FSD1L: variants seen among roughly 807,000 people sequenced by gnomAD.
FSD1L encodes the protein fibronectin type III and SPRY domain containing 1 like.
FSD1L carries 45 observed loss-of-function variants against 71.6 expected under a neutral mutation model. The observed-to-expected ratio is 0.63, with a 90% CI of 0.49 to 0.81. The LOEUF is 0.81. Ranked by LOEUF, FSD1L falls within the 30% of genes least tolerant of loss-of-function variation. The pLI is 0.00. For missense variants in FSD1L, 561 were observed against 618.1 expected (o/e 0.91, Z 0.98); for synonymous variants, 197 against 207.2 (o/e 0.95, Z 0.42).
At chr9:105,523,449 C>T (rs1456829466) in intron 10 of FSD1L, 25 of 1,609,260 alleles carry the variant, frequency 1.6e-5, no homozygotes, top group Middle Eastern at 1.7e-4. Context: ...TGTAATGTGG[C>T]GAAGAATGCT....
At position 105,471,887 on chromosome 9, in the gene FSD1L, T is replaced by C. The variant is rs1195186910; in HGVS notation, c.340-17T>C. On this transcript the variant is annotated splice_polypyrimidine_tract_variant and intron_variant, in intron 4 of 13. Transcript: ENST00000481272. ...AACTTCATTTTAATGACTTAGTTTT[T>C]TTTTTTTTTTCCCTAGAGTCAGATT... 14 of 1,047,592 alleles carry C rather than the reference T, an allele frequency of 1.3e-5. No homozygotes were observed. Among genetic ancestry groups the C allele is most frequent in the Non-Finnish European group, 1.8e-5 (14 of 765,428 alleles). 64.9% of individuals were successfully genotyped at this position (1,047,592 alleles called of 1,614,324 possible).
chr9:105,513,334 T>A (rs1834507417), intron 10 of FSD1L, among the ~76,000 whole-genome samples: 1 of 152,178 alleles, frequency 6.6e-6, no homozygotes. Flanking sequence ...TTGCCTCTGA[T>A]CAGCAACACA....
chr9:105,520,206 C>T (rs775246997), intron 10 of FSD1L: 40 of 1,611,224 alleles, frequency 2.5e-5, no homozygotes, highest in Non-Finnish European at 3.1e-5. Flanking sequence ...CGCACTGACT[C>T]GCCTCAAGCA....
chr9:105,521,494 T>C (rs927496546), intron 10 of FSD1L: 207 of 1,613,836 alleles, frequency 1.3e-4, no homozygotes, highest in Non-Finnish European at 1.7e-5. Flanking sequence ...GTGACAGAGA[T>C]ATTTCGTCAG....
chr9:105,448,334 G>A (rs1829755187), intron 1 of FSD1L, 99 bp downstream of exon 1: 2 of 1,137,952 alleles, frequency 1.8e-6, no homozygotes, highest in Non-Finnish European at 2.3e-6. Flanking sequence ...CGCGGGGTGG[G>A]CCTGGCCGGG....
chr9:105,507,904 T>A (rs1482213020), intron 8 of FSD1L, among the ~76,000 whole-genome samples: 1 of 150,894 alleles, frequency 6.6e-6, no homozygotes, highest in East Asian at 1.9e-4. Flanking sequence ...TTTTTTTTTT[T>A]TTTTGAGACA....
chr9:105,535,294 G>C lies in FSD1L; in HGVS notation c.1354G>C (p.Gly452Arg), dbSNP rs1380200263. The C allele has an allele frequency of 6.4e-7, 1 of 1,551,406 alleles. No homozygotes were observed. Among genetic ancestry groups the C allele is most frequent in the African/African-American group, 1.4e-5 (1 of 73,154 alleles). Residue 452 changes from glycine (G) to arginine (R), a missense_variant, in exon 12 of 14, where the codon GGT (glycine) becomes CGT (arginine). Gly to Arg is a moderately radical substitution (Grantham distance 125, BLOSUM62 -2). This residue lies in a region of FSD1L where 98 missense variants were observed against 102.3 expected (regional missense o/e 0.96). Transcript: ENST00000481272. ...ALDVTVPEKIGVFCDFDGGQL... is the reference protein window; with the variant it reads ...ALDVTVPEKIRVFCDFDGGQL... ...GGATGTTACTGTTCCTGAAAAAATA[G>C]GTGTATTTTGTGATTTTGATGGGGG...
At chr9:105,522,391 A>C (rs1835227168) in intron 10 of FSD1L, 1 of 1,613,956 alleles carries the variant, frequency 6.2e-7, no homozygotes, top group Non-Finnish European at 8.5e-7. Context: ...GTTTCAGTTG[A>C]CAAGTCATTT....
chr9:105,470,885 T>G (rs1238570565), intron 4 of FSD1L, among the ~76,000 whole-genome samples: 1 of 152,198 alleles, frequency 6.6e-6, no homozygotes, highest in African/African-American at 2.4e-5. Flanking sequence ...AAAGGACAAC[T>G]CAGCATCACC....
intron 10 of FSD1L, chr9:105,522,781 T>TA (rs1178689736): frequency 6.2e-7 from 1 of 1,611,740 alleles, no homozygotes; most frequent in African/African-American, 1.3e-5. Flanking sequence ...GATGAGTTTA[T>TA]AGCAGAATGA....
At chr9:105,507,097 A>C (rs1187022464) in intron 8 of FSD1L, among the ~76,000 whole-genome samples, 1 of 152,164 alleles carries the variant, frequency 6.6e-6, no homozygotes, top group Non-Finnish European at 1.5e-5. Flanking sequence ...ATAACATTTA[A>C]TTTTTACCTT....
intron 5 of FSD1L, among the ~76,000 whole-genome samples, chr9:105,478,778 G>A (rs2131678844): frequency 6.6e-6 from 1 of 152,282 alleles, no homozygotes; most frequent in Non-Finnish European, 1.5e-5. Flanking sequence ...GTCTCTTTGT[G>A]TCTGAATTTC....
intron 10 of FSD1L, chr9:105,523,565 C>T: frequency 6.2e-7 from 1 of 1,612,060 alleles, no homozygotes; most frequent in Non-Finnish European, 8.5e-7. Flanking sequence ...TTAGAGATAA[C>T]CTCGGCATTT....
At chr9:105,532,812 T>TA (rs1261386481) in intron 10 of FSD1L, among the ~76,000 whole-genome samples, 1 of 152,228 alleles carries the variant, frequency 6.6e-6, no homozygotes, top group African/African-American at 2.4e-5. Flanking sequence ...GTTCTAGACT[T>TA]ACACTTTTGC....
intron 7 of FSD1L, among the ~76,000 whole-genome samples, chr9:105,487,773 C>G (rs1430711262): frequency 1.3e-5 from 2 of 152,032 alleles, no homozygotes; most frequent in African/African-American, 4.8e-5. Context: ...TTTTGTGACT[C>G]TTAGATTTTA....
intron 10 of FSD1L, chr9:105,525,896 C>G: frequency 4.5e-6 from 7 of 1,558,210 alleles, no homozygotes; most frequent in Non-Finnish European, 6.2e-6. Context: ...TTTCACATGT[C>G]AACAAGAATG....
intron 10 of FSD1L, among the ~76,000 whole-genome samples, chr9:105,532,083 C>T (rs1305905458): frequency 6.6e-6 from 1 of 152,150 alleles, no homozygotes; most frequent in Admixed American, 6.5e-5. Flanking sequence ...ACCTCTGTGG[C>T]ATCTGTGGAT....
rs1837111933 is a variant in FSD1L at position 105,548,124 on chromosome 9, T to TAAA, written c.*1641_*1642insAAA. The TAAA allele has an allele frequency of 6.6e-6, 1 of 152,090 alleles. No homozygotes were observed. The highest frequency in any genetic ancestry group is 2.4e-5 in the African/African-American group (1 of 41,430). 9.4% of individuals were successfully genotyped at this position (152,090 alleles called of 1,614,324 possible). A position where few individuals can be genotyped will look rare whatever the true frequency, so the allele number is the denominator to read the frequency against. On this transcript the variant is annotated 3_prime_UTR_variant, in exon 14 of 14. Transcript: ENST00000481272. ...TCTGCACTATTATCTGATGACATGT[T>TAAA]GGTAATTTTAAAGACTGCAAGGCAG...
Position 105,548,224 on chromosome 9 carries a change from G to C in FSD1L, c.*1741G>C, listed in dbSNP as rs1837117555. The C allele has an allele frequency of 6.7e-6, 1 of 149,734 alleles. No homozygotes were observed. Among genetic ancestry groups the C allele is most frequent in the Non-Finnish European group, 1.5e-5 (1 of 66,554 alleles). The allele number at this position is 149,734 out of a possible 1,614,324, so 9.3% of individuals were successfully genotyped here. Reference sequence around the variant, plus strand: ...ATATAATTTTGGTTTTTGTTCCTCAGAGAGAGTTTGAAAGAAATTTTCAGA... The same window carrying C: ...ATATAATTTTGGTTTTTGTTCCTCACAGAGAGTTTGAAAGAAATTTTCAGA... On this transcript the variant is annotated 3_prime_UTR_variant, in exon 14 of 14. Coordinates refer to ENST00000481272, the MANE Select transcript of FSD1L (RefSeq NM_001145313.3).
Sources: gnomAD v4.1 joint callset for allele counts (sites outside exome capture counted in the v4.1 genomes callset) on GRCh38, gnomAD v4.1.1 for gene constraint, gnomAD v4.1.1 regional missense constraint, MANE v1.5 for transcripts, NCBI Gene and HGNC (gene_info 2026-07-23, HGNC 2026-07-21) for gene names.